KIF1B: variants seen among roughly 807,000 people sequenced by gnomAD.
KIF1B encodes kinesin-like protein KIF1B.
KIF1B carries 76 observed loss-of-function variants against 241.9 expected under a neutral mutation model. That is an observed-to-expected ratio of 0.31 (90% confidence interval 0.26 to 0.38). KIF1B has a LOEUF of 0.38. KIF1B is among the 10% of genes least tolerant of loss of function. KIF1B has a pLI of 1.00. For synonymous variants in KIF1B, 750 were observed against 796.7 expected, an observed-to-expected ratio of 0.94 and a Z score of 0.99; for missense variants, 1,622 against 2,271.4, an observed-to-expected ratio of 0.71 and a Z score of 5.81.
At chr1:10,354,870 T>C (rs1652920282) in intron 38 of KIF1B, among the ~76,000 whole-genome samples, 1 of 152,228 alleles carries the variant, frequency 6.6e-6, no homozygotes, top group African/African-American at 2.4e-5. Flanking sequence ...AAGAGAACTT[T>C]CGTTCTGTTT....
At position 10,295,174 on chromosome 1, in the gene KIF1B, A is replaced by C; in HGVS notation, c.1670+9A>C. On this transcript the variant is annotated intron_variant, in intron 18 of 48. Coordinates refer to ENST00000676179, the MANE Select transcript of KIF1B (RefSeq NM_001365951.3). ...AAAGATGGAATTACAAGGTATATTTATTTCCTGTTTTGGTCACTTCGTGTG... is the reference window on the plus strand; with the variant it reads ...AAAGATGGAATTACAAGGTATATTTCTTTCCTGTTTTGGTCACTTCGTGTG... 2 of 1,539,498 alleles carry C rather than the reference A, an allele frequency of 1.3e-6. No individual in the cohort carries two copies. Among genetic ancestry groups the C allele is most frequent in the Non-Finnish European group, 1.8e-6 (2 of 1,111,944 alleles).
intron 22 of KIF1B, among the ~76,000 whole-genome samples, chr1:10,318,840 T>C (rs1440345538): frequency 2.0e-5 from 3 of 152,174 alleles, no homozygotes; most frequent in African/African-American, 7.2e-5. Context: ...TTCACTAAAA[T>C]TCAAGTTTTT....
intron 41 of KIF1B, among the ~76,000 whole-genome samples, chr1:10,364,673 A>T (rs1483183982): frequency 6.6e-6 from 1 of 152,156 alleles, no homozygotes; most frequent in Non-Finnish European, 1.5e-5. Flanking sequence ...AATCCCATAT[A>T]TCTTCAGACC....
In KIF1B at chr1:10,258,523, C is replaced by T. The variant is rs953019155; in HGVS notation, c.214C>T (p.Arg72Cys). Reference sequence around the variant, plus strand: ...AGATCCCTGTTTTGCATCTCAAAACCGTGTGTACAATGACATTGGCAAGGA... The same window carrying T: ...AGATCCCTGTTTTGCATCTCAAAACTGTGTGTACAATGACATTGGCAAGGA... The part of the protein sequence containing the change: ...PEDPCFASQN[R>C]VYNDIGKEML... The change falls in exon 4 of 49, where the codon CGT (arginine) becomes TGT (cysteine). Residue 72 changes from arginine to cysteine, a missense_variant. Physicochemically the swap from Arg to Cys is radical, Grantham distance 180. Coordinates refer to ENST00000676179, the MANE Select transcript of KIF1B (RefSeq NM_001365951.3). The T allele has an allele frequency of 6.2e-6, 10 of 1,613,832 alleles. No homozygotes were observed. Among genetic ancestry groups the T allele is most frequent in the Admixed American group, 5.0e-5 (3 of 59,984 alleles).
At chr1:10,295,065 A>T in intron 17 of KIF1B, 21 bp from the exon 18 acceptor site, 3 of 1,539,312 alleles carry the variant, frequency 1.9e-6, no homozygotes, top group Middle Eastern at 1.7e-4. Context: ...CTCCAAATTG[A>T]TCATCTGTAA....
At position 10,345,931 on chromosome 1, in the gene KIF1B, A is replaced by G. The variant is rs1409117621; in HGVS notation, c.3775A>G (p.Ser1259Gly). The G allele has an allele frequency of 3.1e-6, 5 of 1,611,928 alleles. No individual in the cohort carries two copies. The South Asian group carries it at 4.4e-5, about 14-fold the overall frequency. ...KYDLLVWFEI[S>G]ELEPTGEYIP... ...TGACCTCCTGGTTTGGTTTGAGATC[A>G]GTGAACTGGAGCCTACAGGAGAGTA... is the stretch of plus-strand genomic sequence containing the variant. Residue 1259 changes from serine to glycine, a missense_variant, in exon 35 of 49, where the codon AGT (serine) becomes GGT (glycine). Ser to Gly is a moderately conservative substitution (Grantham distance 56). Coordinates refer to ENST00000676179, the MANE Select transcript of KIF1B (RefSeq NM_001365951.3).
intron 2 of KIF1B, among the ~76,000 whole-genome samples, chr1:10,254,641 C>CAGAGG (rs1647655505): frequency 1.3e-5 from 2 of 151,988 alleles, no homozygotes; most frequent in Non-Finnish European, 2.9e-5. Flanking sequence ...CTTTGGGAGG[C>CAGAGG]CGAGGCGGGT....
rs1647091135 is a variant in KIF1B, at chr1:10,238,682, G to A, written c.106+6248G>A. 2.6e-5 allele frequency among the ~76,000 whole-genome samples: 4 copies of A among 151,000 alleles called. No individual in the cohort carries two copies. The South Asian group carries it at 8.4e-4, about 32-fold the overall frequency. ...CTTGTGTCGCTGCACTCCAGCCTGG[G>A]TGAGACATTGAGACCCCATCCAAAA... On this transcript the variant is annotated intron_variant, in intron 2 of 48. Transcript: ENST00000676179.
chr1:10,241,400 A>G (rs1260736379), intron 2 of KIF1B, among the ~76,000 whole-genome samples: 3 of 152,162 alleles, frequency 2.0e-5, no homozygotes, highest in African/African-American at 7.2e-5. Context: ...CACCATGCCA[A>G]GCCTGTGGTT....
At position 10,326,565 on chromosome 1, in the gene KIF1B, TCAGCA is replaced by T. The variant is rs1651731433; in HGVS notation, c.2924+209_2924+213del. On this transcript the variant is annotated intron_variant, in intron 27 of 48. Coordinates refer to ENST00000676179, the MANE Select transcript of KIF1B (RefSeq NM_001365951.3). The surrounding 1 kb of genome is among the most constrained non-coding windows in gnomAD (Gnocchi z 5.2). ...ATTGTGTGTGAGGTCCTCAGTCTAC[TCAGCA>T]CAATACGTAGCAATATATGAAGACT... Among the ~76,000 whole-genome samples the T allele has an allele frequency of 6.6e-6, 1 of 152,220 alleles. No individual in the cohort carries two copies. Among genetic ancestry groups the T allele is most frequent in the South Asian group, 2.1e-4 (1 of 4,832 alleles).
chr1:10,266,186 T>A (rs1648453236), intron 5 of KIF1B, among the ~76,000 whole-genome samples: 1 of 152,228 alleles, frequency 6.6e-6, no homozygotes, highest in African/African-American at 2.4e-5. Flanking sequence ...TGACTGATGT[T>A]ATGAAACCAA....
intron 14 of KIF1B, among the ~76,000 whole-genome samples, chr1:10,280,277 T>C (rs1649341200): frequency 6.6e-6 from 1 of 152,028 alleles, no homozygotes; most frequent in South Asian, 2.1e-4. Flanking sequence ...GCTTTGTCGC[T>C]AGGCTGGAGT....
At chr1:10,349,035 A>T (rs576419540) in intron 37 of KIF1B, among the ~76,000 whole-genome samples, 1 of 152,338 alleles carries the variant, frequency 6.6e-6, no homozygotes, top group African/African-American at 2.4e-5. Flanking sequence ...CTTGAGTTTG[A>T]AACTCTGTAT....
At chr1:10,300,178 A>G (rs1424601447) in intron 22 of KIF1B, among the ~76,000 whole-genome samples, 1 of 151,440 alleles carries the variant, frequency 6.6e-6, no homozygotes, top group East Asian at 1.9e-4. Flanking sequence ...CGGAGGTTGC[A>G]GTGAGCCAAG....
intron 2 of KIF1B, among the ~76,000 whole-genome samples, chr1:10,254,255 T>C (rs984939102): frequency 5.3e-5 from 8 of 152,216 alleles, no homozygotes; most frequent in African/African-American, 1.9e-4. Context: ...TGAGACTTCA[T>C]GCATTTCAGT....
intron 23 of KIF1B, 105 bp from the exon 24 acceptor site, chr1:10,321,604 A>G: frequency 1.6e-6 from 2 of 1,235,748 alleles, no homozygotes; most frequent in African/African-American, 1.5e-5. Flanking sequence ...AATGGAGAGA[A>G]ACTGGAAAAC....
intron 2 of KIF1B, among the ~76,000 whole-genome samples, chr1:10,240,721 A>ATTTT (rs34449939): frequency 0.012 from 1,349 of 109,880 alleles, 20 homozygotes; most frequent in Middle Eastern, 0.023. Flanking sequence ...TGGGTAGTTC[A>ATTTT]TTTTTTTTTT....
intron 22 of KIF1B, among the ~76,000 whole-genome samples, chr1:10,311,813 C>G (rs1228303445): frequency 9.2e-5 from 14 of 151,360 alleles, no homozygotes; most frequent in Admixed American, 9.2e-4. Flanking sequence ...TCTGTTCCCC[C>G]TTCCATTTTT....
intron 22 of KIF1B, among the ~76,000 whole-genome samples, chr1:10,298,687 T>C (rs1169313614): frequency 6.6e-6 from 1 of 152,160 alleles, no homozygotes; most frequent in African/African-American, 2.4e-5. Flanking sequence ...AGAGATCAAA[T>C]GAGGACAGGT....
Sources: allele counts gnomAD v4.1 joint callset (sites outside exome capture counted in the v4.1 genomes callset), GRCh38; gene constraint gnomAD v4.1.1; non-coding constraint Gnocchi (gnomAD v3.1); transcripts MANE v1.5; gene names NCBI Gene and HGNC (gene_info 2026-07-23, HGNC 2026-07-21).